The following PAH variants were observed in gnomAD, a reference collection of about 807,000 sequenced individuals.
PAH encodes the protein phenylalanine hydroxylase.
A neutral mutation model predicts 62.0 loss-of-function variants in PAH; 64 were observed. The observed-to-expected ratio is 1.03, with a 90% CI of 0.84 to 1.27. The LOEUF (loss-of-function observed/expected upper bound fraction) is 1.27. Among genes scored for constraint, PAH ranks in the 50% most tolerant of loss-of-function variants. The pLI is 0.00. For missense variants in PAH, 579 were observed against 542.8 expected (o/e 1.07, Z -0.66); for synonymous variants, 195 against 196.2 (o/e 0.99, Z 0.05).
rs1875654657 is a variant in PAH, at chr12:102,860,212, G to A, written c.510-4880C>T. 2.0e-5 allele frequency among the ~76,000 whole-genome samples: 3 copies of A among 152,248 alleles called. No homozygotes were observed. In the South Asian group the frequency reaches 6.2e-4, roughly 32 times the overall value. ...AGACAAACAGAGAGCCAAATCATGA[G>A]GGAACTCCCATTCACAATTGCTTCA... On this transcript the variant is annotated intron_variant, in intron 5 of 12. Transcript: ENST00000553106.
chr12:102,913,976 C>T (rs1388066650), intron 1 of PAH: 28 of 640,888 alleles, frequency 4.4e-5, no homozygotes, highest in Non-Finnish European at 7.3e-5. Flanking sequence ...CTCTTGTAAG[C>T]AAGTTAATGA....
At chr12:102,864,383 C>T (rs1458867949) in intron 5 of PAH, among the ~76,000 whole-genome samples, 2 of 152,038 alleles carry the variant, frequency 1.3e-5, no homozygotes, top group South Asian at 2.1e-4. Context: ...AAGCAGTGAC[C>T]GCAGTATCCC....
At chr12:102,952,488 G>T (rs756462370), upstream of PAH, among the ~76,000 whole-genome samples, 4 of 152,098 alleles carry the variant, frequency 2.6e-5, no homozygotes, top group Non-Finnish European at 5.9e-5. Flanking sequence ...AAAATAGAGT[G>T]TAACAAATCC....
chr12:102,906,071 T>A (rs1877964590), intron 2 of PAH, among the ~76,000 whole-genome samples: 1 of 152,024 alleles, frequency 6.6e-6, no homozygotes, highest in Admixed American at 6.6e-5. Flanking sequence ...TGTAGACAAA[T>A]CACAATTTAC....
At chr12:102,869,733 G>T (rs1876216197) in intron 4 of PAH, among the ~76,000 whole-genome samples, 1 of 152,186 alleles carries the variant, frequency 6.6e-6, no homozygotes, top group Non-Finnish European at 1.5e-5. Flanking sequence ...AGTTACCAGT[G>T]GTCAGAGAGC....
In PAH at chr12:102,855,340, A is replaced by C; in HGVS notation, c.510-8T>G. 1.2e-6 allele frequency: 2 copies of C among 1,613,778 alleles called. No homozygotes were observed. The highest frequency in any genetic ancestry group is 1.7e-6 in the Non-Finnish European group (2 of 1,179,778). On this transcript the variant is annotated splice_region_variant and splice_polypyrimidine_tract_variant and intron_variant, in intron 5 of 12. Transcript: ENST00000553106. Reference sequence around the variant, plus strand: ...CGAGGGATGGGCTGCCCACTAGAATACAGGCACAAAATAGGTGTCTCAAGC... The same window carrying C: ...CGAGGGATGGGCTGCCCACTAGAATCCAGGCACAAAATAGGTGTCTCAAGC...
intron 6 of PAH, chr12:102,853,268 A>C: frequency 2.7e-6 from 1 of 368,976 alleles, no homozygotes. Context: ...CATGCAATAA[A>C]TTTAGCTTTC....
At position 102,908,837 on chromosome 12, in the gene PAH, C is replaced by CTTTT. The variant is rs3062641; in HGVS notation, c.168+3950_168+3953dup. Among the ~76,000 whole-genome samples, 131 of 119,970 alleles carry CTTTT rather than the reference C, an allele frequency of 1.1e-3. 1 individual carries two copies. Among genetic ancestry groups the CTTTT allele is most frequent in the Non-Finnish European group, 1.4e-3 (83 of 59,070 alleles). 78.7% of individuals were successfully genotyped at this position (119,970 alleles called of 152,430 possible). On this transcript the variant is annotated intron_variant, in intron 2 of 12. Coordinates refer to ENST00000553106, the MANE Select transcript of PAH (RefSeq NM_000277.3). ...CACGTTACATTTAGTCCTCATGTCT[C>CTTTT]TTTTTTTTTTTTTTTTTTTTTGAGA...
chr12:102,918,060 A>G (rs1212438892), upstream of PAH, among the ~76,000 whole-genome samples: 1 of 152,218 alleles, frequency 6.6e-6, no homozygotes, highest in African/African-American at 2.4e-5. Flanking sequence ...CTATGCTGCC[A>G]TTCTGGTGGG....
At chr12:102,864,203 AGG>A (rs1237492214) in intron 5 of PAH, among the ~76,000 whole-genome samples, 6 of 152,168 alleles carry the variant, frequency 3.9e-5, no homozygotes. Context: ...AATTTTACAT[AGG>A]GTGTAGAGAG....
intron 2 of PAH, among the ~76,000 whole-genome samples, chr12:102,896,239 G>A (rs1877498123): frequency 6.6e-6 from 1 of 152,192 alleles, no homozygotes; most frequent in African/African-American, 2.4e-5. Context: ...GGAGTTGAGA[G>A]AGGTGAAGGC....
At chr12:102,926,407 AGTT>A (rs1878684483) in intron 1 of PAH, among the ~76,000 whole-genome samples, 1 of 151,814 alleles carries the variant, frequency 6.6e-6, no homozygotes, top group Admixed American at 6.6e-5. Context: ...TACATAAGCC[AGTT>A]GTTGGGGGGG....
At position 102,862,555 on chromosome 12, in the gene PAH, G is replaced by C. The variant is rs187423474; in HGVS notation, c.509+4041C>G. ...ATGTACCCTTGAACTTAAAATGAAA[G>C]CTAAATTAAAGATTTTAAAAAAAAA... On this transcript the variant is annotated intron_variant, in intron 5 of 12. Transcript: ENST00000553106. Among the ~76,000 whole-genome samples the C allele has an allele frequency of 6.6e-5, 10 of 152,194 alleles. No homozygotes were observed. In the East Asian group the frequency reaches 1.9e-3, roughly 29 times the overall value.
intron 2 of PAH, among the ~76,000 whole-genome samples, chr12:102,912,124 C>T (rs970909970): frequency 6.6e-6 from 1 of 152,194 alleles, no homozygotes; most frequent in Non-Finnish European, 1.5e-5. Flanking sequence ...ACATTTCTCT[C>T]TGTAAACAAC....
chr12:102,849,110 G>A (rs1212886958), intron 8 of PAH, among the ~76,000 whole-genome samples: 1 of 152,202 alleles, frequency 6.6e-6, no homozygotes, highest in Non-Finnish European at 1.5e-5. Context: ...GACCAAGTTG[G>A]TAGCAGTAGA....
intron 8 of PAH, among the ~76,000 whole-genome samples, chr12:102,850,926 T>A (rs1204417603): frequency 2.0e-5 from 3 of 151,848 alleles, no homozygotes; most frequent in African/African-American, 7.3e-5. Flanking sequence ...TCCACAAAAA[T>A]TAAAACATTC....
At chr12:102,867,836 C>T (rs1278367230) in intron 4 of PAH, among the ~76,000 whole-genome samples, 5 of 112,724 alleles carry the variant, frequency 4.4e-5, no homozygotes, top group Admixed American at 2.0e-4. Flanking sequence ...TCTCTCTCTC[C>T]CCCTCTCTCT....
chr12:102,883,161 G>A (rs1299866552), intron 3 of PAH, among the ~76,000 whole-genome samples: 1 of 152,212 alleles, frequency 6.6e-6, no homozygotes, highest in Non-Finnish European at 1.5e-5. Flanking sequence ...GGGATCCTCT[G>A]AAGGGCTGAG....
intron 1 of PAH, among the ~76,000 whole-genome samples, chr12:102,930,303 A>T (rs922474737): frequency 6.6e-6 from 1 of 152,158 alleles, no homozygotes; most frequent in Non-Finnish European, 1.5e-5. Context: ...AGAGCCTCAC[A>T]TCTACATAAG....
Sources: gnomAD v4.1 joint callset for allele counts (sites outside exome capture counted in the v4.1 genomes callset) on GRCh38, gnomAD v4.1.1 for gene constraint, MANE v1.5 for transcripts, NCBI Gene and HGNC (gene_info 2026-07-23, HGNC 2026-07-21) for gene names.